Variants in HDAC4 observed in about 807,000 individuals in gnomAD.
HDAC4 encodes histone deacetylase A.
A neutral mutation model predicts 135.1 loss-of-function variants in HDAC4; 16 were observed. That is an observed-to-expected ratio of 0.12 (90% CI 0.08 to 0.18). HDAC4 has a LOEUF of 0.18. HDAC4 is among the 10% of genes least tolerant of loss of function. HDAC4 has a pLI of 1.00. For synonymous variants in HDAC4, 685 were observed against 653.4 expected, an observed-to-expected ratio of 1.05 and a Z score of -0.74; for missense variants, 1,143 against 1,511.8, an observed-to-expected ratio of 0.76 and a Z score of 4.05.
At chr2:239,182,451 G>A (rs1003637205) in intron 4 of HDAC4, among the ~76,000 whole-genome samples, 3 of 152,168 alleles carry the variant, frequency 2.0e-5, no homozygotes, top group Admixed American at 1.3e-4. Context: ...CAAAAAGAAT[G>A]AAAGCAACAA....
intron 2 of HDAC4, among the ~76,000 whole-genome samples, chr2:239,347,826 T>C (rs1025897373): frequency 8.5e-5 from 13 of 152,140 alleles, no homozygotes; most frequent in Admixed American, 6.5e-4. Flanking sequence ...CTTATTTTGT[T>C]TTGAACTAAA....
intron 1 of HDAC4, among the ~76,000 whole-genome samples, chr2:239,388,960 C>T (rs1386109809): frequency 6.6e-6 from 1 of 152,228 alleles, no homozygotes; most frequent in East Asian, 1.9e-4. Context: ...GCCAGAGAAC[C>T]CTGCCGAGGG....
At chr2:239,272,034 G>A (rs1002178137) in intron 2 of HDAC4, among the ~76,000 whole-genome samples, 1 of 152,182 alleles carries the variant, frequency 6.6e-6, no homozygotes, top group Non-Finnish European at 1.5e-5. Flanking sequence ...AGCTCTCTCT[G>A]TGAAACCTTC....
At chr2:239,093,228 G>A (rs897457065) in intron 17 of HDAC4, among the ~76,000 whole-genome samples, 5 of 152,218 alleles carry the variant, frequency 3.3e-5, no homozygotes, top group Admixed American at 2.0e-4. Flanking sequence ...CCGAGGAGTG[G>A]TGAGTTTTCC....
rs2052724638 is a variant in HDAC4 at position 239,308,621 on chromosome 2, G to T, written c.22+44057C>A. Reference sequence around the variant, plus strand: ...GTTTTTTGTATTTCAAAAGCACAAAGATCTATGTTCATGGTGTAGTCCAGG... The same window carrying T: ...GTTTTTTGTATTTCAAAAGCACAAATATCTATGTTCATGGTGTAGTCCAGG... On this transcript the variant is annotated intron_variant, in intron 2 of 26. Coordinates refer to ENST00000543185, the MANE Select transcript of HDAC4 (RefSeq NM_001378414.1). This position sits in a 1 kb window ranked among gnomAD's most constrained non-coding sequence, Gnocchi z 4.2. 6.6e-6 allele frequency among the ~76,000 whole-genome samples: 1 copy of T among 152,190 alleles called. No individual in the cohort carries two copies.
intron 11 of HDAC4, among the ~76,000 whole-genome samples, chr2:239,130,715 C>T (rs193199051): frequency 2.0e-5 from 3 of 152,298 alleles, no homozygotes; most frequent in East Asian, 3.9e-4. Flanking sequence ...GAAGCCTTCC[C>T]TAGGCCCACC....
At position 239,377,837 on chromosome 2, in the gene HDAC4, T is replaced by A. The variant is rs111389803; in HGVS notation, c.-220+23141A>T. On this transcript the variant is annotated intron_variant, in intron 1 of 26. Coordinates refer to ENST00000543185, the MANE Select transcript of HDAC4 (RefSeq NM_001378414.1). ...CAGACAAGCCCAGGCCCAAGACTGA[T>A]CACCGCGCTGAGCTCAGCTGCCGCC... 2.3e-4 allele frequency among the ~76,000 whole-genome samples: 35 copies of A among 152,236 alleles called. 1 individual carries two copies. The highest frequency in any genetic ancestry group is 7.8e-4 in the East Asian group (4 of 5,148).
At chr2:239,385,077 T>C (rs1695696799) in intron 1 of HDAC4, among the ~76,000 whole-genome samples, 1 of 152,144 alleles carries the variant, frequency 6.6e-6, no homozygotes, top group South Asian at 2.1e-4. Context: ...TTCCCTTCCA[T>C]CTTGGCTCTC....
rs78581980 is a variant in HDAC4 at position 239,385,493 on chromosome 2, G to A, written c.-220+15485C>T. 4.2e-3 allele frequency among the ~76,000 whole-genome samples: 626 copies of A among 150,742 alleles called. 3 individuals carry two copies. The highest frequency in any genetic ancestry group is 5.9e-3 in the Non-Finnish European group (401 of 68,022). The stretch of plus-strand genomic sequence containing the variant: ...GCCAGAGCGGGAAGGCAGAGCTAGA[G>A]CATGGAAATGAGTGGCCACAGGGGC... On this transcript the variant is annotated intron_variant, in intron 1 of 26. Coordinates refer to ENST00000543185, the MANE Select transcript of HDAC4 (RefSeq NM_001378414.1).
At chr2:239,055,735 G>GGTGA (rs2031734171) in intron 24 of HDAC4, among the ~76,000 whole-genome samples, 2 of 150,058 alleles carry the variant, frequency 1.3e-5, no homozygotes, top group African/African-American at 5.0e-5. Flanking sequence ...AAAAAAAAAG[G>GGTGA]TTGAAATGGA....
chr2:239,282,313 A>G (rs1280897531), intron 2 of HDAC4, among the ~76,000 whole-genome samples: 16 of 147,528 alleles, frequency 1.1e-4, no homozygotes, highest in Admixed American at 3.3e-4. Context: ...CACACAATGT[A>G]CACACCACTC....
intron 3 of HDAC4, among the ~76,000 whole-genome samples, chr2:239,234,923 T>C (rs1480570115): frequency 6.6e-6 from 1 of 152,192 alleles, no homozygotes; most frequent in Non-Finnish European, 1.5e-5. Flanking sequence ...CCACGCCTGG[T>C]TAAGCACAAG....
chr2:239,053,187 A>G (rs2031151502), intron 26 of HDAC4, 51 bp from the exon 27 acceptor site: 2 of 1,603,752 alleles, frequency 1.2e-6, no homozygotes, highest in African/African-American at 1.3e-5. Context: ...GGTGCACCAC[A>G]GAGAGGAGAG....
intron 19 of HDAC4, among the ~76,000 whole-genome samples, chr2:239,086,518 T>C (rs932645998): frequency 2.1e-5 from 3 of 141,496 alleles, no homozygotes; most frequent in Admixed American, 6.9e-5. Flanking sequence ...CTCTAACATG[T>C]GGATCTGACT....
At position 239,313,057 on chromosome 2, in the gene HDAC4, AG is replaced by A. The variant is rs2052960616; in HGVS notation, c.22+39620del. 6.6e-6 allele frequency among the ~76,000 whole-genome samples: 1 copy of A among 152,156 alleles called. No individual in the cohort carries two copies. The highest frequency in any genetic ancestry group is 2.4e-5 in the African/African-American group (1 of 41,442). On this transcript the variant is annotated intron_variant, in intron 2 of 26. Coordinates refer to ENST00000543185, the MANE Select transcript of HDAC4 (RefSeq NM_001378414.1). This position sits in a 1 kb window ranked among gnomAD's most constrained non-coding sequence, Gnocchi z 5.1. ...GGAGTCAAGGTGGCCAGCCTGGGGCAGGGTGTTCCCCCAGCCAGGGAGCTTC... is the reference window on the plus strand; with the variant it reads ...GGAGTCAAGGTGGCCAGCCTGGGGCAGGTGTTCCCCCAGCCAGGGAGCTTC...
At chr2:239,317,906 T>A (rs2053172520) in intron 2 of HDAC4, among the ~76,000 whole-genome samples, 1 of 152,060 alleles carries the variant, frequency 6.6e-6, no homozygotes, top group South Asian at 2.1e-4. Flanking sequence ...CTGAGGTTAA[T>A]GAGGGCTTCC....
chr2:239,248,657 T>C (rs2048606173), intron 2 of HDAC4, among the ~76,000 whole-genome samples: 1 of 152,208 alleles, frequency 6.6e-6, no homozygotes, highest in Admixed American at 6.5e-5. Flanking sequence ...CAGGCACTTA[T>C]CTCTGGGTTT....
At chr2:239,296,612 A>T (rs2051909332) in intron 2 of HDAC4, among the ~76,000 whole-genome samples, 1 of 152,178 alleles carries the variant, frequency 6.6e-6, no homozygotes, top group South Asian at 2.1e-4. Flanking sequence ...CTTCGCATTT[A>T]TCTAATCATT....
At chr2:239,226,207 G>A (rs2047231856) in intron 3 of HDAC4, among the ~76,000 whole-genome samples, 1 of 152,140 alleles carries the variant, frequency 6.6e-6, no homozygotes, top group South Asian at 2.1e-4. Flanking sequence ...ATGATGTCAT[G>A]ATGCAAAAAT....
Sources: allele counts gnomAD v4.1 joint callset (sites outside exome capture counted in the v4.1 genomes callset), GRCh38; gene constraint gnomAD v4.1.1; non-coding constraint Gnocchi (gnomAD v3.1); transcripts MANE v1.5; gene names NCBI Gene and HGNC (gene_info 2026-07-23, HGNC 2026-07-21).